Variants in TMEM273 observed in about 807,000 individuals in gnomAD.
TMEM273 encodes transmembrane protein 273.
TMEM273 carries 19 observed loss-of-function variants against 17.9 expected under a neutral mutation model. That is an observed-to-expected ratio of 1.06 (90% CI 0.74 to 1.55). TMEM273 has a LOEUF of 1.55. Ranked by LOEUF, TMEM273 falls within the 40% of genes most tolerant of loss-of-function variation. TMEM273 has a pLI of 0.00. For synonymous variants in TMEM273, 66 were observed against 62.0 expected (o/e 1.07, Z -0.31); for missense variants, 194 against 155.6 (o/e 1.25, Z -1.31).
At chr10:49,161,458 C>A in intron 6 of TMEM273, 141 bp downstream of exon 6, 1 of 998,466 alleles carries the variant, frequency 1.0e-6, no homozygotes, top group Non-Finnish European at 1.6e-6. Flanking sequence ...GCTGTCCTGG[C>A]ATGAGGGCTC....
intron 1 of TMEM273, among the ~76,000 whole-genome samples, chr10:49,179,845 G>A (rs1847234384): frequency 6.6e-6 from 1 of 152,186 alleles, no homozygotes; most frequent in African/African-American, 2.4e-5. Flanking sequence ...TGCAGCCTAG[G>A]AAGACAAGAC....
intron 1 of TMEM273, among the ~76,000 whole-genome samples, chr10:49,176,522 T>C (rs1846980866): frequency 6.6e-6 from 1 of 152,170 alleles, no homozygotes; most frequent in Non-Finnish European, 1.5e-5. Flanking sequence ...AACTAATTAA[T>C]GATGGTAAAG....
intron 3 of TMEM273, among the ~76,000 whole-genome samples, chr10:49,166,056 A>C (rs1383776737): frequency 6.6e-6 from 1 of 152,194 alleles, no homozygotes; most frequent in Non-Finnish European, 1.5e-5. Context: ...GCATCTCGGA[A>C]GCCTCCTCCT....
In TMEM273 at chr10:49,176,376, A is replaced by G. The variant is rs557596361; in HGVS notation, c.44-8414T>C. ...AAATGGCCAAACCAAGGCCTCCCAT[A>G]GCCTGTACAATCCCAGTGAAGAGGG... On this transcript the variant is annotated intron_variant, in intron 1 of 6. Coordinates refer to ENST00000374153, the MANE Select transcript of TMEM273 (RefSeq NM_001288740.3). Among the ~76,000 whole-genome samples the G allele has an allele frequency of 1.3e-5, 2 of 152,336 alleles. 1 individual carries two copies. Among genetic ancestry groups the G allele is most frequent in the Middle Eastern group, 6.8e-3 (2 of 292 alleles).
In TMEM273 at chr10:49,155,086, C is replaced by T. The variant is rs929821556; in HGVS notation, c.*806G>A. 1 of 152,190 alleles carries T rather than the reference C, an allele frequency of 6.6e-6. No individual in the cohort carries two copies. The highest frequency in any genetic ancestry group is 2.4e-5 in the African/African-American group (1 of 41,406). 9.4% of individuals were successfully genotyped at this position (152,190 alleles called of 1,614,324 possible). ...TGATGGCAATTGTAGAATGTCATGG[C>T]TTTCCTCAGCCTCCACCAGTCATGT... On this transcript the variant is annotated 3_prime_UTR_variant, in exon 7 of 7. Coordinates refer to ENST00000374153, the MANE Select transcript of TMEM273 (RefSeq NM_001288740.3).
At chr10:49,158,603 G>T (rs1282122103) in intron 6 of TMEM273, among the ~76,000 whole-genome samples, 2 of 152,226 alleles carry the variant, frequency 1.3e-5, no homozygotes, top group Non-Finnish European at 2.9e-5. Flanking sequence ...ACACCAGGAA[G>T]CCTCTCTAGG....
intron 1 of TMEM273, among the ~76,000 whole-genome samples, chr10:49,175,538 T>C (rs1314993079): frequency 6.6e-6 from 1 of 152,244 alleles, no homozygotes; most frequent in Admixed American, 6.5e-5. Flanking sequence ...GTGCCCACTT[T>C]GTTTTTCTTG....
rs746107350 is a variant in TMEM273 at position 49,165,764 on chromosome 10, A to C, written c.269+2T>G. The C allele has an allele frequency of 6.2e-7, 1 of 1,614,118 alleles. No homozygotes were observed. The highest frequency in any genetic ancestry group is 1.1e-5 in the South Asian group (1 of 91,082). The stretch of plus-strand genomic sequence containing the variant: ...CCCTGACTGTGTGGGCAGTGACCTT[A>C]CCTTGGGGCTCTCTTCTTTAGCGGG... On this transcript the variant is annotated splice_donor_variant, in intron 4 of 6. Transcript: ENST00000374153. LOFTEE classifies it high-confidence loss of function.
intron 1 of TMEM273, among the ~76,000 whole-genome samples, chr10:49,177,419 C>G (rs1043419847): frequency 3.3e-5 from 5 of 152,180 alleles, no homozygotes; most frequent in Admixed American, 6.5e-5. Flanking sequence ...TGAGTGCTGA[C>G]CCGGTTCCTG....
chr10:49,181,055 G>A (rs747312796), intron 1 of TMEM273, among the ~76,000 whole-genome samples: 37 of 152,172 alleles, frequency 2.4e-4, no homozygotes, highest in Non-Finnish European at 5.0e-4. Flanking sequence ...AGTATGTGGT[G>A]GTGGAATACA....
chr10:49,169,579 C>A (rs928112247), intron 1 of TMEM273, among the ~76,000 whole-genome samples: 3 of 152,196 alleles, frequency 2.0e-5, no homozygotes, highest in Non-Finnish European at 2.9e-5. Context: ...AATGACTTAT[C>A]TTCTCTCTTT....
intron 1 of TMEM273, 146 bp downstream of exon 1, chr10:49,188,148 T>C: frequency 1.1e-6 from 1 of 915,248 alleles, no homozygotes; most frequent in Admixed American, 2.3e-5. Context: ...AGATCATTGC[T>C]CACTACCAGA....
chr10:49,164,692 TAC>T (rs2132131331), intron 5 of TMEM273, among the ~76,000 whole-genome samples: 1 of 152,316 alleles, frequency 6.6e-6, no homozygotes, highest in South Asian at 2.1e-4. Context: ...TGCCTACATA[TAC>T]TAGGGTTCCC....
intron 5 of TMEM273, among the ~76,000 whole-genome samples, chr10:49,162,626 CAT>C (rs1320590945): frequency 8.5e-5 from 13 of 152,314 alleles, no homozygotes; most frequent in South Asian, 6.2e-4. Flanking sequence ...AGAATCTCCA[CAT>C]GTTTCAATAT....
chr10:49,161,257 T>A (rs1304328398), intron 6 of TMEM273: 4 of 308,262 alleles, frequency 1.3e-5, no homozygotes, highest in African/African-American at 2.1e-5. Flanking sequence ...ATTTTTTTCA[T>A]CAAATGGACT....
intron 2 of TMEM273, among the ~76,000 whole-genome samples, 196 bp from the exon 3 acceptor site, chr10:49,167,205 A>G (rs1247236675): frequency 6.6e-6 from 1 of 152,152 alleles, no homozygotes; most frequent in Non-Finnish European, 1.5e-5. Flanking sequence ...CTTCAGCTGT[A>G]GAAACTGTTG....
At chr10:49,161,743 C>A in intron 5 of TMEM273, 121 bp from the exon 6 acceptor site, 1 of 1,216,216 alleles carries the variant, frequency 8.2e-7, no homozygotes, top group East Asian at 2.4e-5. Context: ...GTCTGACTTC[C>A]TCATGACTCA....
At chr10:49,171,988 C>G in intron 1 of TMEM273, among the ~76,000 whole-genome samples, 1 of 152,172 alleles carries the variant, frequency 6.6e-6, no homozygotes, top group East Asian at 1.9e-4. Flanking sequence ...AGTAGGCGTG[C>G]GTGCACTCAG....
At chr10:49,182,515 T>G (rs962611107) in intron 1 of TMEM273, among the ~76,000 whole-genome samples, 1 of 152,232 alleles carries the variant, frequency 6.6e-6, no homozygotes, top group Non-Finnish European at 1.5e-5. Flanking sequence ...CTTATTATCA[T>G]GATTATAATA....
Sources: gnomAD v4.1 joint callset for allele counts (sites outside exome capture counted in the v4.1 genomes callset) on GRCh38, gnomAD v4.1.1 for gene constraint, MANE v1.5 for transcripts, NCBI Gene and HGNC (gene_info 2026-07-23, HGNC 2026-07-21) for gene names.